RSF1: variants seen among roughly 807,000 people sequenced by gnomAD.
The protein encoded by RSF1 is HBV pX-associated protein 8.
RSF1 carries 13 observed loss-of-function variants against 145.2 expected under a neutral mutation model. The observed-to-expected ratio is 0.09, with a 90% confidence interval of 0.06 to 0.14. The LOEUF is 0.14. Among genes scored for constraint, RSF1 ranks in the 10% least tolerant of loss-of-function variants. RSF1 has a pLI of 1.00. For synonymous variants in RSF1, 577 were observed against 592.6 expected (o/e 0.97, Z 0.38); for missense variants, 1,517 against 1,718.2 (o/e 0.88, Z 2.07).
At chr11:77,686,655 T>C (rs78870363) in intron 9 of RSF1, among the ~76,000 whole-genome samples, 165 of 152,204 alleles carry the variant, frequency 1.1e-3, no homozygotes, top group African/African-American at 3.8e-3. Context: ...TTTTTAGAGA[T>C]AGGTTGTGAT....
chr11:77,734,907 G>A (rs1590857604), intron 4 of RSF1: 1 of 1,581,772 alleles, frequency 6.3e-7, no homozygotes, highest in Non-Finnish European at 8.6e-7. Context: ...GGTCAAAGCA[G>A]TAAGACATGG....
rs7113592 is a variant in RSF1 at position 77,786,348 on chromosome 11, G to A, written c.188-21659C>T. Among the ~76,000 whole-genome samples, 344 of 152,120 alleles carry A rather than the reference G, an allele frequency of 2.3e-3. 2 individuals carry two copies. Among genetic ancestry groups the A allele is most frequent in the Non-Finnish European group, 4.1e-3 (276 of 68,000 alleles). On this transcript the variant is annotated intron_variant, in intron 1 of 15. Transcript: ENST00000308488. ...ATCATTCAGAATATCTGATCAGCAC[G>A]CGAATAAAAAATTACCCAATTTTGG...
the RSF1 span, chr11:77,868,641 A>ACCTT: frequency 2.4e-4 from 35 of 144,458 alleles, no homozygotes; most frequent in African/African-American, 9.1e-4. Flanking sequence ...ATACCTGGCC[A>ACCTT]CCTTTTTTTT....
chr11:77,820,377 G>A (rs1948851869), intron 1 of RSF1, 151 bp downstream of exon 1: 1 of 837,318 alleles, frequency 1.2e-6, no homozygotes, highest in Admixed American at 2.9e-5. Flanking sequence ...CCGGGGGCTG[G>A]GCGGAGAAGA....
chr11:77,842,055 G>A, the RSF1 span, among the ~76,000 whole-genome samples: 2 of 152,180 alleles, frequency 1.3e-5, no homozygotes, highest in Non-Finnish European at 2.9e-5. Flanking sequence ...GAAATTCAGC[G>A]ATCTTCATGA....
chr11:77,712,256 TTATAAA>T (rs964284990), intron 5 of RSF1, among the ~76,000 whole-genome samples: 1 of 152,180 alleles, frequency 6.6e-6, no homozygotes, highest in African/African-American at 2.4e-5. Context: ...TGTGATGGTT[TTATAAA>T]TGGGAGTTCC....
At chr11:77,864,192 G>A in the RSF1 span, among the ~76,000 whole-genome samples, 12 of 152,200 alleles carry the variant, frequency 7.9e-5, no homozygotes, top group African/African-American at 1.4e-4. Context: ...CTCCCAAAGT[G>A]TTGGGATTAC....
chr11:77,757,275 T>C (rs1267624188), intron 2 of RSF1, among the ~76,000 whole-genome samples: 3 of 152,140 alleles, frequency 2.0e-5, no homozygotes, highest in African/African-American at 4.8e-5. Flanking sequence ...GTTTTTGGGA[T>C]TGGCAATGGA....
At chr11:77,675,945 C>T (rs951403307) in intron 13 of RSF1, among the ~76,000 whole-genome samples, 5 of 152,212 alleles carry the variant, frequency 3.3e-5, no homozygotes, top group Admixed American at 2.6e-4. Flanking sequence ...AAATAAAACA[C>T]TCCCTAATCT....
intron 2 of RSF1, among the ~76,000 whole-genome samples, chr11:77,754,370 G>C (rs1948094709): frequency 6.6e-6 from 1 of 152,144 alleles, no homozygotes; most frequent in African/African-American, 2.4e-5. Flanking sequence ...GGGAGGCTGA[G>C]GTAGGAGGAT....
chr11:77,815,662 A>G (rs1165691708), intron 1 of RSF1, among the ~76,000 whole-genome samples: 2 of 152,224 alleles, frequency 1.3e-5, no homozygotes, highest in African/African-American at 4.8e-5. Flanking sequence ...AAGTCTTTGA[A>G]TGATGTCATT....
chr11:77,816,148 C>T (rs1948779547), intron 1 of RSF1, among the ~76,000 whole-genome samples: 1 of 152,178 alleles, frequency 6.6e-6, no homozygotes, highest in South Asian at 2.1e-4. Flanking sequence ...AGAAGAGACA[C>T]AACTAAAAAG....
chr11:77,812,232 C>T (rs1359353969), intron 1 of RSF1, among the ~76,000 whole-genome samples: 1 of 152,032 alleles, frequency 6.6e-6, no homozygotes, highest in African/African-American at 2.4e-5. Flanking sequence ...TTTTAAAAAG[C>T]CTCTTTAGAA....
the RSF1 span, among the ~76,000 whole-genome samples, chr11:77,842,279 G>A: frequency 1.4e-4 from 21 of 152,098 alleles, no homozygotes; most frequent in African/African-American, 4.8e-4. Flanking sequence ...AGTAATTGCA[G>A]TATCTGGTTT....
chr11:77,747,708 A>G (rs993672472), intron 2 of RSF1, among the ~76,000 whole-genome samples: 4 of 152,334 alleles, frequency 2.6e-5, no homozygotes, highest in African/African-American at 9.6e-5. Context: ...AAGAAAGAAG[A>G]TCTGAATAAC....
At chr11:77,869,729 C>G in the RSF1 span, 1 of 1,613,848 alleles carries the variant, frequency 6.2e-7, no homozygotes, top group East Asian at 2.2e-5. Flanking sequence ...CAGCATTCTC[C>G]TGGTGTGCAG....
chr11:77,810,142 C>T (rs1365166968), intron 1 of RSF1, among the ~76,000 whole-genome samples: 3 of 152,132 alleles, frequency 2.0e-5, no homozygotes, highest in Non-Finnish European at 4.4e-5. Context: ...TAAGTTCTAC[C>T]TTTAATAACT....
At chr11:77,849,335 C>T in the RSF1 span, among the ~76,000 whole-genome samples, 1 of 152,154 alleles carries the variant, frequency 6.6e-6, no homozygotes, top group African/African-American at 2.4e-5. Context: ...GATTCTCTTG[C>T]CTCAGCCTCC....
At chr11:77,869,850 C>G in the RSF1 span, 1 of 1,594,032 alleles carries the variant, frequency 6.3e-7, no homozygotes. Context: ...TTCCTGAGGA[C>G]AGGTGGGGAT....
Sources: allele counts gnomAD v4.1 joint callset (sites outside exome capture counted in the v4.1 genomes callset), GRCh38; gene constraint gnomAD v4.1.1; transcripts MANE v1.5; gene names NCBI Gene and HGNC (gene_info 2026-07-23, HGNC 2026-07-21).